Variants in MAGI1 observed in about 807,000 individuals in gnomAD.
MAGI1 encodes membrane associated guanylate kinase, WW and PDZ domain containing 1, also known as membrane-associated guanylate kinase, WW and PDZ domain-containing protein 1.
In MAGI1, 58 loss-of-function variants were observed where a neutral mutation model predicts 139.9. The ratio of observed to expected loss-of-function variants is 0.41; its 90% CI spans 0.34 to 0.52. The LOEUF (loss-of-function observed/expected upper bound fraction) is 0.52, where lower values mean the gene tolerates loss of function less well. Among genes scored for constraint, MAGI1 ranks in the 20% least tolerant of loss-of-function variants. MAGI1 has a pLI of 0.12. For synonymous variants in MAGI1, 812 were observed against 737.9 expected (o/e 1.10, Z -1.63); for missense variants, 1,874 against 1,901.6 (o/e 0.99, Z 0.27).
intron 1 of MAGI1, among the ~76,000 whole-genome samples, chr3:65,996,846 G>A (rs9868791): frequency 0.011 from 1,741 of 152,260 alleles, 30 homozygotes; most frequent in African/African-American, 0.039. Flanking sequence ...GGCCCCGGGC[G>A]GCCAAGATAA....
chr3:65,656,147 A>C (rs1488992274), intron 1 of MAGI1, among the ~76,000 whole-genome samples: 2 of 152,150 alleles, frequency 1.3e-5, no homozygotes, highest in African/African-American at 2.4e-5. Context: ...ATTAAGTTTC[A>C]GAAGTGTTAA....
intron 12 of MAGI1, among the ~76,000 whole-genome samples, chr3:65,407,829 C>T (rs1945477024): frequency 6.6e-6 from 1 of 152,178 alleles, no homozygotes; most frequent in South Asian, 2.1e-4. Context: ...AGGATCAGTA[C>T]TGCAGCCAAT....
chr3:65,938,791 A>T (rs1428149055), intron 1 of MAGI1, among the ~76,000 whole-genome samples: 1 of 152,202 alleles, frequency 6.6e-6, no homozygotes, highest in Admixed American at 6.5e-5. Flanking sequence ...CTGCAATGAG[A>T]CCACATCACT....
intron 1 of MAGI1, among the ~76,000 whole-genome samples, chr3:65,810,544 G>A (rs2041161185): frequency 6.6e-6 from 1 of 152,224 alleles, no homozygotes; most frequent in Non-Finnish European, 1.5e-5. Context: ...ACTCCAGCGT[G>A]GCTCCCTGGA....
intron 18 of MAGI1, among the ~76,000 whole-genome samples, chr3:65,370,876 G>C (rs777150816): frequency 3.9e-5 from 6 of 152,198 alleles, no homozygotes; most frequent in Non-Finnish European, 7.3e-5. Context: ...AGGCTGGCCT[G>C]GAACTCCTGA....
intron 1 of MAGI1, among the ~76,000 whole-genome samples, chr3:65,869,614 A>G (rs1236441083): frequency 6.6e-6 from 1 of 151,782 alleles, no homozygotes; most frequent in Admixed American, 6.6e-5. Context: ...GTTAGCCAGG[A>G]TGGTCTCGAT....
intron 12 of MAGI1, among the ~76,000 whole-genome samples, chr3:65,425,118 A>C (rs1946923181): frequency 2.0e-5 from 1 of 50,892 alleles, no homozygotes; most frequent in Non-Finnish European, 3.4e-5. Context: ...TAAAAAAAAA[A>C]AAAAAAAAAA....
chr3:65,597,289 G>A (rs556603285), intron 2 of MAGI1, among the ~76,000 whole-genome samples: 13 of 46,112 alleles, frequency 2.8e-4, no homozygotes, highest in Non-Finnish European at 3.6e-4. Context: ...CCATTCAGCC[G>A]AGCCCCTCGC....
intron 1 of MAGI1, among the ~76,000 whole-genome samples, chr3:65,807,652 G>A (rs1305456829): frequency 2.0e-5 from 3 of 152,110 alleles, no homozygotes; most frequent in African/African-American, 4.8e-5. Flanking sequence ...CCAGCAACCG[G>A]CTATTCCAAA....
At chr3:65,588,800 A>C (rs1374309191) in intron 2 of MAGI1, among the ~76,000 whole-genome samples, 1 of 152,216 alleles carries the variant, frequency 6.6e-6, no homozygotes, top group Non-Finnish European at 1.5e-5. Context: ...CATGCTCAAT[A>C]AATTTTTATT....
chr3:65,447,650 C>G (rs913464262), intron 7 of MAGI1, among the ~76,000 whole-genome samples: 1 of 152,110 alleles, frequency 6.6e-6, no homozygotes, highest in Admixed American at 6.6e-5. Flanking sequence ...AATAACCATC[C>G]GTACTAAACA....
rs1225901914 is a variant in MAGI1 at position 65,519,956 on chromosome 3, G to A, written c.431-26325C>T. ...GGTGAGAAGAATACTTGCAGCTTCT[G>A]CTTTGGTCCTTTGGCACAGCAGCTC... On this transcript the variant is annotated intron_variant, in intron 2 of 22. Coordinates refer to ENST00000402939, the MANE Select transcript of MAGI1 (RefSeq NM_001033057.2). Among the ~76,000 whole-genome samples, 5 of 152,164 alleles carry A rather than the reference G, an allele frequency of 3.3e-5. No homozygotes were observed. In the South Asian group the frequency reaches 1.0e-3, roughly 32 times the overall value.
At chr3:65,652,534 C>T (rs1263495727) in intron 1 of MAGI1, among the ~76,000 whole-genome samples, 2 of 152,128 alleles carry the variant, frequency 1.3e-5, no homozygotes, top group Non-Finnish European at 2.9e-5. Flanking sequence ...CAGACATTGT[C>T]AAATGTCTCC....
chr3:65,823,207 A>G (rs187682029), intron 1 of MAGI1, among the ~76,000 whole-genome samples: 51 of 152,360 alleles, frequency 3.3e-4, no homozygotes, highest in African/African-American at 1.1e-3. Context: ...TCATAATAAA[A>G]TAGGAAGGAT....
intron 2 of MAGI1, among the ~76,000 whole-genome samples, chr3:65,589,213 G>C (rs1389272663): frequency 6.6e-6 from 1 of 152,142 alleles, no homozygotes; most frequent in Non-Finnish European, 1.5e-5. Flanking sequence ...CAATGGGGCA[G>C]TGAAATAAGG....
At position 65,891,213 on chromosome 3, in the gene MAGI1, C is replaced by CAA. The variant is rs1224604230; in HGVS notation, c.313+146782_313+146783insTT. 9.0e-3 allele frequency among the ~76,000 whole-genome samples: 1,024 copies of CAA among 113,570 alleles called. 11 individuals are homozygous for CAA. Among genetic ancestry groups the CAA allele is most frequent in the African/African-American group, 0.043 (975 of 22,448 alleles). The allele number at this position is 113,570 out of a possible 152,430, so 74.5% of individuals were successfully genotyped here. On this transcript the variant is annotated intron_variant, in intron 1 of 22. Coordinates refer to ENST00000402939, the MANE Select transcript of MAGI1 (RefSeq NM_001033057.2). The stretch of plus-strand genomic sequence containing the variant: ...TGAGCCCCTGTCACAGAAAAACACA[C>CAA]ACAAAAAAAAAAAAAGGAAAGAAAG...
At chr3:65,920,027 C>A (rs181050927) in intron 1 of MAGI1, among the ~76,000 whole-genome samples, 1 of 152,170 alleles carries the variant, frequency 6.6e-6, no homozygotes, top group Non-Finnish European at 1.5e-5. Context: ...ACAAACTTCT[C>A]GCAATGACCC....
intron 1 of MAGI1, among the ~76,000 whole-genome samples, chr3:65,670,861 T>A (rs2086814193): frequency 6.6e-6 from 1 of 150,764 alleles, no homozygotes; most frequent in Non-Finnish European, 1.5e-5. Flanking sequence ...ACATTCATAT[T>A]CTTTAATTAA....
chr3:65,643,038 T>C (rs2085066730), intron 1 of MAGI1, among the ~76,000 whole-genome samples: 1 of 152,188 alleles, frequency 6.6e-6, no homozygotes, highest in African/African-American at 2.4e-5. Flanking sequence ...ATTTTCAAAA[T>C]CAGTTCTTGG....
Sources: allele counts gnomAD v4.1 joint callset (sites outside exome capture counted in the v4.1 genomes callset), GRCh38; gene constraint gnomAD v4.1.1; transcripts MANE v1.5; gene names NCBI Gene and HGNC (gene_info 2026-07-23, HGNC 2026-07-21).